Variants in CNTLN observed in about 807,000 individuals in gnomAD.
The protein encoded by CNTLN is centlein.
CNTLN carries 212 observed loss-of-function variants against 180.0 expected under a neutral mutation model. That is an observed-to-expected ratio of 1.18 (90% CI 1.05 to 1.32). CNTLN has a LOEUF of 1.32. Among genes scored for constraint, CNTLN ranks in the 40% most tolerant of loss-of-function variants. CNTLN has a pLI of 0.00. For synonymous variants in CNTLN, 722 were observed against 563.1 expected, an observed-to-expected ratio of 1.28 and a Z score of -3.99; for missense variants, 2,095 against 1,610.9, an observed-to-expected ratio of 1.30 and a Z score of -5.14.
rs369980725 is a variant in CNTLN at position 17,231,821 on chromosome 9, C to A, written c.535-3837C>A. Among the ~76,000 whole-genome samples the A allele has an allele frequency of 7.9e-5, 12 of 151,990 alleles. No homozygotes were observed. The East Asian group carries it at 9.7e-4, about 12-fold the overall frequency. On this transcript the variant is annotated intron_variant, in intron 3 of 25. Transcript: ENST00000380647. Reference sequence around the variant, plus strand: ...GGGCCTTATGCCCCTTCCCTACCCCCCACCCATTTTTATGCCTGCTTCATA... The same window carrying A: ...GGGCCTTATGCCCCTTCCCTACCCCACACCCATTTTTATGCCTGCTTCATA...
At chr9:17,275,182 T>A (rs893360867) in intron 6 of CNTLN, among the ~76,000 whole-genome samples, 1 of 152,156 alleles carries the variant, frequency 6.6e-6, no homozygotes, top group Non-Finnish European at 1.5e-5. Flanking sequence ...GTTTAGTCTT[T>A]CCTTGAAAAC....
chr9:17,213,608 T>G (rs140752394), intron 2 of CNTLN, among the ~76,000 whole-genome samples: 1 of 152,038 alleles, frequency 6.6e-6, no homozygotes, highest in African/African-American at 2.4e-5. Context: ...TCCTGGATAT[T>G]TTTGTTAACT....
At chr9:17,486,833 A>G (rs772779028) in intron 24 of CNTLN, among the ~76,000 whole-genome samples, 156 bp from the exon 25 acceptor site, 1 of 152,202 alleles carries the variant, frequency 6.6e-6, no homozygotes, top group African/African-American at 2.4e-5. Flanking sequence ...TAAATTTTAA[A>G]GAGCATGGAC....
At chr9:17,388,454 C>G (rs1242968194) in intron 14 of CNTLN, among the ~76,000 whole-genome samples, 1 of 151,898 alleles carries the variant, frequency 6.6e-6, no homozygotes, top group Non-Finnish European at 1.5e-5. Context: ...ACTTGTGCTT[C>G]CATTGATGTA....
chr9:17,230,189 T>C (rs1245381564), intron 3 of CNTLN, among the ~76,000 whole-genome samples: 1 of 152,162 alleles, frequency 6.6e-6, no homozygotes, highest in East Asian at 1.9e-4. Flanking sequence ...GCACTTGTGA[T>C]TGGCTGAATG....
intron 15 of CNTLN, among the ~76,000 whole-genome samples, chr9:17,399,326 C>T (rs1283489221): frequency 6.6e-6 from 1 of 152,136 alleles, no homozygotes; most frequent in Admixed American, 6.5e-5. Context: ...TCCATCCCTA[C>T]AGTCATACTT....
chr9:17,526,245 T>A, the CNTLN span, among the ~76,000 whole-genome samples: 4 of 152,212 alleles, frequency 2.6e-5, no homozygotes, highest in East Asian at 5.8e-4. Flanking sequence ...TGGACATTTT[T>A]GTATACATCA....
intron 2 of CNTLN, among the ~76,000 whole-genome samples, chr9:17,220,159 TG>T (rs1824036469): frequency 6.6e-6 from 1 of 152,120 alleles, no homozygotes; most frequent in African/African-American, 2.4e-5. Context: ...GTGATGATGA[TG>T]CTCGTGCTCT....
At chr9:17,435,809 C>T (rs748253921) in intron 18 of CNTLN, among the ~76,000 whole-genome samples, 2 of 152,080 alleles carry the variant, frequency 1.3e-5, no homozygotes, top group Non-Finnish European at 2.9e-5. Flanking sequence ...GTGATCCACC[C>T]GTCTTGGCCT....
At chr9:17,227,221 T>G (rs1282020705) in intron 3 of CNTLN, among the ~76,000 whole-genome samples, 2 of 151,752 alleles carry the variant, frequency 1.3e-5, no homozygotes, top group African/African-American at 4.8e-5. Context: ...GGATTACAAT[T>G]CAATGTGAGA....
intron 2 of CNTLN, among the ~76,000 whole-genome samples, chr9:17,215,827 C>T (rs1028482742): frequency 5.3e-5 from 8 of 152,156 alleles, no homozygotes; most frequent in African/African-American, 1.9e-4. Context: ...GAGCGAGGCT[C>T]CGTGGGTGTG....
chr9:17,312,423 GTCGCCCAGGCTGGAGTGCAGTGGCGCGA>G (rs1291461407), intron 8 of CNTLN, among the ~76,000 whole-genome samples: 2 of 140,668 alleles, frequency 1.4e-5, no homozygotes, highest in Non-Finnish European at 3.1e-5. Flanking sequence ...GTCTCACTCT[GTCGCCCAGGCTGGAGTGCAGTGGCGCGA>G]TCTCGGCTCA....
intron 14 of CNTLN, among the ~76,000 whole-genome samples, chr9:17,393,210 C>T (rs913688425): frequency 4.9e-4 from 74 of 152,114 alleles, no homozygotes; most frequent in East Asian, 1.2e-3. Context: ...AGGGCCCCAC[C>T]CTCATGATCC....
At chr9:17,164,386 T>A (rs1018530485) in intron 2 of CNTLN, among the ~76,000 whole-genome samples, 1 of 149,864 alleles carries the variant, frequency 6.7e-6, no homozygotes, top group East Asian at 1.9e-4. Context: ...AACCATTTGT[T>A]AGCTTTAATC....
chr9:17,297,777 T>G (rs1818052847), intron 6 of CNTLN, among the ~76,000 whole-genome samples: 1 of 152,172 alleles, frequency 6.6e-6, no homozygotes, highest in Non-Finnish European at 1.5e-5. Context: ...TTGGGATTCT[T>G]TTTAATATAT....
At chr9:17,175,500 C>A (rs1314407376) in intron 2 of CNTLN, among the ~76,000 whole-genome samples, 1 of 152,128 alleles carries the variant, frequency 6.6e-6, no homozygotes, top group Non-Finnish European at 1.5e-5. Flanking sequence ...TTCTATTGAT[C>A]TATAGGTCTG....
In CNTLN at chr9:17,148,859, T is replaced by C. The variant is rs138900609; in HGVS notation, c.449+5483T>C. Among the ~76,000 whole-genome samples, 240 of 152,304 alleles carry C rather than the reference T, an allele frequency of 1.6e-3. 1 individual carries two copies. Among genetic ancestry groups the C allele is most frequent in the African/African-American group, 5.6e-3 (231 of 41,562 alleles). On this transcript the variant is annotated intron_variant, in intron 2 of 25. Coordinates refer to ENST00000380647, the MANE Select transcript of CNTLN (RefSeq NM_017738.4). ...ATTATACTTTAAGTTCTGGGTTACA[T>C]GGGCAGAACGTGCAGTTTGTTATGT...
intron 2 of CNTLN, among the ~76,000 whole-genome samples, chr9:17,169,007 A>AT (rs998099373): frequency 1.3e-5 from 2 of 152,030 alleles, no homozygotes; most frequent in African/African-American, 4.8e-5. Context: ...GAGTCTTTTT[A>AT]TTTTTTAAGT....
At chr9:17,239,259 T>C (rs185284511) in intron 5 of CNTLN, among the ~76,000 whole-genome samples, 4 of 152,234 alleles carry the variant, frequency 2.6e-5, no homozygotes, top group African/African-American at 7.2e-5. Context: ...TCTGGAATCA[T>C]TGTGGTTTTG....
Sources: gnomAD v4.1 joint callset for allele counts (sites outside exome capture counted in the v4.1 genomes callset) on GRCh38, gnomAD v4.1.1 for gene constraint, MANE v1.5 for transcripts, NCBI Gene and HGNC (gene_info 2026-07-23, HGNC 2026-07-21) for gene names.